The following DDX1 variants were observed in gnomAD, a reference collection of about 807,000 sequenced individuals.
The protein encoded by DDX1 is DEAD-box helicase 1.
In DDX1, 28 loss-of-function variants were observed where a neutral mutation model predicts 108.7. That is an observed-to-expected ratio of 0.26 (90% CI 0.19 to 0.35). The LOEUF (loss-of-function observed/expected upper bound fraction) is 0.35, where lower values mean the gene tolerates loss of function less well. Ranked by LOEUF, DDX1 falls within the 10% of genes least tolerant of loss-of-function variation. The pLI is 1.00. For synonymous variants in DDX1, 295 were observed against 288.9 expected (o/e 1.02, Z -0.21); for missense variants, 710 against 884.5 (o/e 0.80, Z 2.50).
Position 15,591,933 on chromosome 2 carries a change from G to A in DDX1, c.-1G>A. 1 of 1,449,084 alleles carries A rather than the reference G, an allele frequency of 6.9e-7. No homozygotes were observed. Among genetic ancestry groups the A allele is most frequent in the Non-Finnish European group, 9.1e-7 (1 of 1,100,614 alleles). The allele number at this position is 1,449,084 out of a possible 1,614,324, so 89.8% of individuals were successfully genotyped here. The stretch of plus-strand genomic sequence containing the variant: ...GCGAAGCCGCGGAGGACGGGGTGAA[G>A]ATGGCGGCCTTCTCCGGTGCGTTTG... On this transcript the variant is annotated 5_prime_UTR_variant, in exon 1 of 26. Coordinates refer to ENST00000233084, the MANE Select transcript of DDX1 (RefSeq NM_004939.3).
chr2:15,607,917 A>G (rs927882137), intron 13 of DDX1, among the ~76,000 whole-genome samples: 7 of 152,166 alleles, frequency 4.6e-5, no homozygotes, highest in African/African-American at 1.4e-4. Flanking sequence ...CTAAATCTCT[A>G]TAGAAAATGT....
At chr2:15,602,682 T>C (rs1333624876) in intron 7 of DDX1, 51 bp downstream of exon 7, 17 of 1,315,706 alleles carry the variant, frequency 1.3e-5, no homozygotes, top group Non-Finnish European at 1.9e-5. Flanking sequence ...AAGGTATTAA[T>C]ACGTGAGGGT....
chr2:15,606,379 C>T, intron 12 of DDX1, 115 bp downstream of exon 12: 1 of 672,964 alleles, frequency 1.5e-6, no homozygotes, highest in Non-Finnish European at 2.5e-6. Context: ...GGTTTAGTCA[C>T]ACATCTTTTT....
Position 15,595,502 on chromosome 2 carries a change from T to C in DDX1, c.81T>C (p.Asp27=). 6.2e-7 allele frequency: 1 copy of C among 1,611,018 alleles called. No homozygotes were observed. Among genetic ancestry groups the C allele is most frequent in the Middle Eastern group, 1.7e-4 (1 of 6,056 alleles). Residue 27 remains aspartate (D), a synonymous_variant, in exon 3 of 26, where the codon GAT becomes GAC. Transcript: ENST00000233084. The part of the protein sequence containing the change: ...VEEMDWLLPT[D]IQAESIPLIL... ...ATGATTCTTTTAGCCTCCCAACTGA[T>C]ATCCAGGCTGAATCTATCCCATTGA...
intron 16 of DDX1, among the ~76,000 whole-genome samples, chr2:15,618,563 C>CG (rs958987366): frequency 6.6e-6 from 1 of 152,230 alleles, no homozygotes; most frequent in African/African-American, 2.4e-5. Context: ...TGCGGCAGGG[C>CG]GGGTAGCTCC....
intron 16 of DDX1, 32 bp downstream of exon 16, chr2:15,618,302 A>AT: frequency 3.6e-6 from 4 of 1,111,234 alleles, no homozygotes; most frequent in Non-Finnish European, 5.5e-6. Context: ...CTTAAAATGC[A>AT]TGTAAACAAT....
rs879086962 is a variant in DDX1 at position 15,595,160 on chromosome 2, C to T, written c.32C>T (p.Pro11Leu). 2.5e-6 allele frequency: 4 copies of T among 1,611,008 alleles called. No homozygotes were observed. ...TTACTTTCAGAGATGGGTGTAATGC[C>T]TGAGATTGCACAAGCTGTGGAAGAG... MAAFSEMGVM[P>L]EIAQAVEEMD... The change falls in exon 2 of 26, where the codon CCT (proline) becomes CTT (leucine). Residue 11 changes from proline to leucine, a missense_variant. Physicochemically the swap from Pro to Leu is moderately conservative, Grantham distance 98. Around this residue, in one of 3 missense-constraint regions of DDX1, gnomAD observed 48 missense variants for 57.5 expected, o/e 0.83. Coordinates refer to ENST00000233084, the MANE Select transcript of DDX1 (RefSeq NM_004939.3).
chr2:15,614,364 G>A (rs1172256098), intron 14 of DDX1, among the ~76,000 whole-genome samples: 1 of 152,104 alleles, frequency 6.6e-6, no homozygotes, highest in African/African-American at 2.4e-5. Flanking sequence ...ATTTGACCTG[G>A]TATGCCATAT....
chr2:15,596,896 A>T (rs572223424), intron 4 of DDX1, 133 bp downstream of exon 4: 2 of 701,940 alleles, frequency 2.8e-6, no homozygotes, highest in African/African-American at 3.6e-5. Flanking sequence ...CTTGCTACTG[A>T]AAATGATATT....
At chr2:15,621,001 A>G (rs1573049271) in intron 17 of DDX1, 64 bp from the exon 18 acceptor site, 3 of 989,756 alleles carry the variant, frequency 3.0e-6, no homozygotes, top group South Asian at 1.4e-5. Flanking sequence ...TTAAAACATG[A>G]CATATATTCT....
intron 25 of DDX1, among the ~76,000 whole-genome samples, chr2:15,630,564 T>C (rs1666175212): frequency 6.6e-6 from 1 of 152,218 alleles, no homozygotes; most frequent in African/African-American, 2.4e-5. Context: ...GGTAGAGGTG[T>C]TGGGACAGCT....
chr2:15,622,721 A>T (rs2148748389), intron 18 of DDX1, among the ~76,000 whole-genome samples: 1 of 152,334 alleles, frequency 6.6e-6, no homozygotes, highest in Non-Finnish European at 1.5e-5. Flanking sequence ...TCCCAAATGC[A>T]TTTTATAAAA....
At chr2:15,611,457 A>G (rs13388204) in intron 13 of DDX1, among the ~76,000 whole-genome samples, 90,343 of 136,424 alleles carry the variant, frequency 0.66, 30,933 homozygotes, top group African/African-American at 0.84. Flanking sequence ...CCCAGTAGGG[A>G]CGGCCGGGCA....
At chr2:15,613,934 T>A (rs1415399758) in intron 14 of DDX1, among the ~76,000 whole-genome samples, 1 of 151,620 alleles carries the variant, frequency 6.6e-6, no homozygotes, top group Non-Finnish European at 1.5e-5. Context: ...CCTCTTGGGT[T>A]CAAGCAGTTC....
At chr2:15,630,656 C>A in intron 25 of DDX1, 120 bp from the exon 26 acceptor site, 1 of 959,832 alleles carries the variant, frequency 1.0e-6, no homozygotes, top group Non-Finnish European at 1.6e-6. Flanking sequence ...GATAACTTGC[C>A]CAGTAGTACA....
At chr2:15,601,825 G>C (rs1665592967) in intron 6 of DDX1, among the ~76,000 whole-genome samples, 1 of 152,234 alleles carries the variant, frequency 6.6e-6, no homozygotes, top group Non-Finnish European at 1.5e-5. Flanking sequence ...GAGTTGGAAA[G>C]ATGAACCAGG....
At position 15,629,644 on chromosome 2, in the gene DDX1, A is replaced by G. The variant is rs772556624; in HGVS notation, c.1918A>G (p.Asn640Asp). 2.5e-6 allele frequency: 4 copies of G among 1,589,230 alleles called. No homozygotes were observed. Among genetic ancestry groups the G allele is most frequent in the Non-Finnish European group, 3.4e-6 (4 of 1,172,512 alleles). Residue 640 changes from asparagine (N) to aspartate (D), a missense_variant, in exon 24 of 26, where the codon AAC becomes GAC. Physicochemically the swap from Asn to Asp is conservative, Grantham distance 23. This residue lies in a region of DDX1 where 661 missense variants were observed against 810.2 expected (regional missense o/e 0.82). Coordinates refer to ENST00000233084, the MANE Select transcript of DDX1 (RefSeq NM_004939.3). ...VCSSRGKGCY[N>D]TRLKEDGGCT... ...TAGCAGCCGTGGAAAAGGGTGTTAT[A>G]ACACAAGACTCAAGGAAGATGGAGG...
chr2:15,627,361 CA>C lies in DDX1; in HGVS notation c.1686+217del, dbSNP rs769113985. 100 of 332,906 alleles carry C rather than the reference CA, an allele frequency of 3.0e-4. No individual in the cohort carries two copies. The East Asian group carries it at 4.4e-3, about 15-fold the overall frequency. The allele number at this position is 332,906 out of a possible 1,614,324, so 20.6% of individuals were successfully genotyped here. Reference sequence around the variant, plus strand: ...CTCTATCAGCATAACACTACTATAACAGGAATTTTCAATTTCAGAAATTTTA... The same window carrying C: ...CTCTATCAGCATAACACTACTATAACGGAATTTTCAATTTCAGAAATTTTA... On this transcript the variant is annotated intron_variant, in intron 20 of 25. Coordinates refer to ENST00000233084, the MANE Select transcript of DDX1 (RefSeq NM_004939.3).
At chr2:15,603,447 C>T (rs1043816226) in intron 8 of DDX1, among the ~76,000 whole-genome samples, 172 bp downstream of exon 8, 5 of 152,084 alleles carry the variant, frequency 3.3e-5, no homozygotes, top group Non-Finnish European at 7.4e-5. Flanking sequence ...AAGGAACTTA[C>T]AAAAAGTACA....
Sources: allele counts gnomAD v4.1 joint callset (sites outside exome capture counted in the v4.1 genomes callset), GRCh38; gene constraint gnomAD v4.1.1; regional missense constraint gnomAD v4.1.1; transcripts MANE v1.5; gene names NCBI Gene and HGNC (gene_info 2026-07-23, HGNC 2026-07-21).